The following SYT1 variants were observed in gnomAD, a reference collection of about 807,000 sequenced individuals.
SYT1 encodes the protein synaptotagmin-1.
SYT1 carries 8 observed loss-of-function variants against 44.8 expected under a neutral mutation model. That is an observed-to-expected ratio of 0.18 (90% CI 0.10 to 0.32). The LOEUF (loss-of-function observed/expected upper bound fraction) is 0.32, where lower values mean the gene tolerates loss of function less well. Among genes scored for constraint, SYT1 ranks in the 10% least tolerant of loss-of-function variants. SYT1 has a pLI of 1.00. For missense variants in SYT1, 286 were observed against 509.3 expected (o/e 0.56, Z 4.22); for synonymous variants, 154 against 188.8 (o/e 0.82, Z 1.51).
At chr12:79,228,619 A>G (rs1238849037) in intron 4 of SYT1, among the ~76,000 whole-genome samples, 2 of 151,510 alleles carry the variant, frequency 1.3e-5, no homozygotes, top group Non-Finnish European at 2.9e-5. Context: ...TTCTCTTTTA[A>G]TCCTATTCCA....
chr12:79,247,245 A>G (rs1197875410), intron 4 of SYT1, among the ~76,000 whole-genome samples: 1 of 152,128 alleles, frequency 6.6e-6, no homozygotes, highest in Non-Finnish European at 1.5e-5. Flanking sequence ...ATCTTTTCTC[A>G]CCTGTATAGA....
chr12:78,964,351 A>G (rs2137355944), intron 1 of SYT1, among the ~76,000 whole-genome samples: 1 of 152,272 alleles, frequency 6.6e-6, no homozygotes, highest in South Asian at 2.1e-4. Context: ...TTTCATAATC[A>G]TGTATCTGAA....
At chr12:79,151,870 T>C (rs1460960619) in intron 3 of SYT1, among the ~76,000 whole-genome samples, 1 of 151,876 alleles carries the variant, frequency 6.6e-6, no homozygotes, top group African/African-American at 2.4e-5. Flanking sequence ...TGATATGGAG[T>C]TCAGGAGAGA....
At chr12:79,188,005 C>T (rs557279011) in intron 3 of SYT1, among the ~76,000 whole-genome samples, 18 of 152,196 alleles carry the variant, frequency 1.2e-4, no homozygotes, top group African/African-American at 4.3e-4. Context: ...GGGAAAGAAA[C>T]ACGTCTTTTT....
intron 2 of SYT1, among the ~76,000 whole-genome samples, chr12:79,011,292 C>T (rs528673347): frequency 5.9e-5 from 9 of 152,124 alleles, no homozygotes; most frequent in African/African-American, 2.2e-4. Context: ...ATACAATAAA[C>T]AATATCTCCT....
rs149481703 is a variant in SYT1, at chr12:79,370,484, C to T, written c.928+16865C>T. Among the ~76,000 whole-genome samples, 8 of 152,182 alleles carry T rather than the reference C, an allele frequency of 5.3e-5. No individual in the cohort carries two copies. The East Asian group carries it at 9.7e-4, about 18-fold the overall frequency. ...TTTATCAGAAATACTGAGTTAGGGCCGGGCGCGGTGGCTCACTCCTGTAAT... is the reference window on the plus strand; with the variant it reads ...TTTATCAGAAATACTGAGTTAGGGCTGGGCGCGGTGGCTCACTCCTGTAAT... On this transcript the variant is annotated intron_variant, in intron 9 of 10. Coordinates refer to ENST00000261205, the MANE Select transcript of SYT1 (RefSeq NM_005639.3).
At chr12:79,336,422 T>G (rs996746422) in intron 8 of SYT1, among the ~76,000 whole-genome samples, 2 of 152,152 alleles carry the variant, frequency 1.3e-5, no homozygotes, top group Non-Finnish European at 1.5e-5. Flanking sequence ...CTTTATTCTC[T>G]TCCTCAAGCT....
chr12:79,415,863 G>A (rs1433111339), intron 9 of SYT1, among the ~76,000 whole-genome samples: 1 of 152,164 alleles, frequency 6.6e-6, no homozygotes, highest in Non-Finnish European at 1.5e-5. Context: ...AGAAAGTGCT[G>A]AGTAATGCGG....
chr12:79,295,223 G>A (rs1259873492), intron 6 of SYT1, among the ~76,000 whole-genome samples: 2 of 152,094 alleles, frequency 1.3e-5, no homozygotes, highest in African/African-American at 4.8e-5. Context: ...TCTAATGGCA[G>A]AGTATCTATG....
In SYT1 at chr12:79,178,968, A is replaced by ATATAAATATATC. The variant is rs1565840944; in HGVS notation, c.-17-38531_-17-38530insAATATATCTATA. Among the ~76,000 whole-genome samples the ATATAAATATATC allele has an allele frequency of 8.2e-3, 229 of 27,810 alleles. 26 individuals are homozygous for ATATAAATATATC. The highest frequency in any genetic ancestry group is 0.022 in the African/African-American group (86 of 3,972). 18.2% of individuals were successfully genotyped at this position (27,810 alleles called of 152,430 possible). Reference sequence around the variant, plus strand: ...GATATAGATATAGATATAGATATAGATATATAGATATAGATATATCTATAT... The same window carrying ATATAAATATATC: ...GATATAGATATAGATATAGATATAGATATAAATATATCTATATAGATATAGATATATCTATAT... On this transcript the variant is annotated intron_variant, in intron 3 of 10. Coordinates refer to ENST00000261205, the MANE Select transcript of SYT1 (RefSeq NM_005639.3).
intron 3 of SYT1, among the ~76,000 whole-genome samples, chr12:79,053,542 A>T (rs1198003472): frequency 2.7e-5 from 4 of 149,600 alleles, no homozygotes; most frequent in Non-Finnish European, 5.9e-5. Flanking sequence ...TATATATATT[A>T]TATAAATTCT....
At chr12:79,214,379 T>C (rs1314598511) in intron 3 of SYT1, among the ~76,000 whole-genome samples, 1 of 152,166 alleles carries the variant, frequency 6.6e-6, no homozygotes, top group Non-Finnish European at 1.5e-5. Flanking sequence ...CTATAGAGGA[T>C]TGGTTTGGAA....
At chr12:79,213,667 G>A (rs1183716083) in intron 3 of SYT1, among the ~76,000 whole-genome samples, 1 of 152,210 alleles carries the variant, frequency 6.6e-6, no homozygotes, top group Non-Finnish European at 1.5e-5. Flanking sequence ...GCTCATGCCT[G>A]TAATCCCAGC....
chr12:78,900,251 A>G (rs1875587851), intron 1 of SYT1, among the ~76,000 whole-genome samples: 1 of 152,068 alleles, frequency 6.6e-6, no homozygotes, highest in African/African-American at 2.4e-5. Flanking sequence ...ATTTAAATTG[A>G]CGCTTTGCCA....
chr12:79,141,318 G>A (rs1869544031), intron 3 of SYT1, among the ~76,000 whole-genome samples: 1 of 151,864 alleles, frequency 6.6e-6, no homozygotes, highest in African/African-American at 2.4e-5. Flanking sequence ...GACACTCTAT[G>A]TATTCTTTAT....
rs539461391 is a variant in SYT1, at chr12:79,153,905, T to C, written c.-17-63598T>C. On this transcript the variant is annotated intron_variant, in intron 3 of 10. Transcript: ENST00000261205. ...ACATGTACCCACATGGAAATCACTG[T>C]TGCTAATAATGTTGTCTCTATTTTA... 1.1e-4 allele frequency among the ~76,000 whole-genome samples: 16 copies of C among 152,256 alleles called. No individual in the cohort carries two copies. In the South Asian group the frequency reaches 3.3e-3, roughly 32 times the overall value.
chr12:79,283,591 T>C (rs894856853), intron 4 of SYT1, among the ~76,000 whole-genome samples: 5 of 152,178 alleles, frequency 3.3e-5, no homozygotes, highest in Admixed American at 1.3e-4. Context: ...AGGGTCATTA[T>C]GAATGCTGTC....
chr12:79,291,762 CT>C (rs1183035213), intron 5 of SYT1: 1 of 586,490 alleles, frequency 1.7e-6, no homozygotes, highest in Non-Finnish European at 3.2e-6. Flanking sequence ...ACATTTTTTG[CT>C]TGCAATATTC....
At chr12:79,327,987 G>T (rs1881681318) in intron 8 of SYT1, among the ~76,000 whole-genome samples, 1 of 152,138 alleles carries the variant, frequency 6.6e-6, no homozygotes, top group South Asian at 2.1e-4. Context: ...GGGCCTTGAA[G>T]GTGGGAGTTA....
Sources: gnomAD v4.1 joint callset for allele counts (sites outside exome capture counted in the v4.1 genomes callset) on GRCh38, gnomAD v4.1.1 for gene constraint, MANE v1.5 for transcripts, NCBI Gene and HGNC (gene_info 2026-07-23, HGNC 2026-07-21) for gene names.